Variants in RAB27B observed in about 807,000 individuals in gnomAD.
RAB27B encodes the protein RAB27B, member RAS oncogene family.
A neutral mutation model predicts 24.6 loss-of-function variants in RAB27B; 15 were observed. The observed-to-expected ratio is 0.61, with a 90% CI of 0.41 to 0.94. RAB27B has a LOEUF of 0.94. RAB27B is among the 40% of genes least tolerant of loss of function. RAB27B has a pLI of 0.00. For missense variants in RAB27B, 261 were observed against 266.8 expected (o/e 0.98, Z 0.15); for synonymous variants, 105 against 92.5 (o/e 1.14, Z -0.78).
rs140837056 is a variant in RAB27B, at chr18:54,820,375, G to A, written c.-19-57192G>A. Reference sequence around the variant, plus strand: ...TTGCATTTCTCTGATGGCCAGTGATGATGAGCATTTTTTCATGTGCCTTTT... The same window carrying A: ...TTGCATTTCTCTGATGGCCAGTGATAATGAGCATTTTTTCATGTGCCTTTT... On this transcript the variant is annotated intron_variant, in intron 2 of 4. Coordinates refer to the RAB27B transcript ENST00000586570. 8.0e-3 allele frequency among the ~76,000 whole-genome samples: 1,213 copies of A among 152,332 alleles called. 5 individuals are homozygous for A. The highest frequency in any genetic ancestry group is 0.013 in the Non-Finnish European group (858 of 68,032).
chr18:54,819,488 C>G (rs1300264102), intron 2 of RAB27B, among the ~76,000 whole-genome samples: 1 of 127,868 alleles, frequency 7.8e-6, no homozygotes, highest in South Asian at 2.3e-4. Context: ...GCCAACATCA[C>G]AGCACTGCAC....
At chr18:54,831,966 G>C (rs1910697855) in intron 1 of RAB27B, among the ~76,000 whole-genome samples, 1 of 152,118 alleles carries the variant, frequency 6.6e-6, no homozygotes, top group South Asian at 2.1e-4. Context: ...AGTTGAGACG[G>C]GGTTTCACCA....
rs1182220727 is a variant in RAB27B at position 54,799,626 on chromosome 18, T to C, written c.-19-77941T>C. ...ATATAATAAAATGATTTTTTTTTTT[T>C]TTTTTTTTTTTTTTTTTTTTTTAGA... On this transcript the variant is annotated intron_variant, in intron 2 of 4. Coordinates refer to the RAB27B transcript ENST00000586570. Among the ~76,000 whole-genome samples the C allele has an allele frequency of 1.9e-3, 247 of 131,626 alleles. 2 individuals carry two copies. Among genetic ancestry groups the C allele is most frequent in the African/African-American group, 7.0e-3 (240 of 34,202 alleles). 86.4% of individuals were successfully genotyped at this position (131,626 alleles called of 152,430 possible).
intron 1 of RAB27B, among the ~76,000 whole-genome samples, chr18:54,864,563 T>C (rs1264222848): frequency 6.6e-6 from 1 of 152,130 alleles, no homozygotes; most frequent in Non-Finnish European, 1.5e-5. Flanking sequence ...CTTACTCTTA[T>C]ATTTTCTTCT....
chr18:54,751,070 C>G (rs1335521193), intron 2 of RAB27B, among the ~76,000 whole-genome samples: 1 of 152,136 alleles, frequency 6.6e-6, no homozygotes, highest in African/African-American at 2.4e-5. Flanking sequence ...ATCCTGCCCT[C>G]GAGAGACACT....
chr18:54,786,883 G>A (rs1376814867), intron 2 of RAB27B, among the ~76,000 whole-genome samples: 1 of 152,194 alleles, frequency 6.6e-6, no homozygotes, highest in Admixed American at 6.5e-5. Context: ...ATTGCAAGGT[G>A]TTTGCCTCCT....
intron 2 of RAB27B, among the ~76,000 whole-genome samples, chr18:54,733,108 T>C (rs1347058279): frequency 6.6e-6 from 1 of 152,134 alleles, no homozygotes; most frequent in Non-Finnish European, 1.5e-5. Context: ...TGTGGTGGCA[T>C]GATCATAGCT....
chr18:54,844,408 CT>C (rs148747981), intron 1 of RAB27B, among the ~76,000 whole-genome samples: 107 of 107,876 alleles, frequency 9.9e-4, no homozygotes, highest in African/African-American at 2.7e-3. Context: ...CTTTTCTTTT[CT>C]TTTTTTTTTT....
intron 2 of RAB27B, among the ~76,000 whole-genome samples, chr18:54,733,328 A>G (rs1182613266): frequency 6.6e-6 from 1 of 152,148 alleles, no homozygotes; most frequent in Non-Finnish European, 1.5e-5. Flanking sequence ...GATTACAGGC[A>G]TGAGCCACCA....
At chr18:54,748,613 G>T (rs769875297) in intron 2 of RAB27B, among the ~76,000 whole-genome samples, 5 of 152,096 alleles carry the variant, frequency 3.3e-5, no homozygotes, top group Non-Finnish European at 7.3e-5. Flanking sequence ...ACCCAACCTG[G>T]GTTGAGGCAC....
intron 2 of RAB27B, among the ~76,000 whole-genome samples, chr18:54,806,029 A>G (rs1378313930): frequency 6.6e-6 from 1 of 152,214 alleles, no homozygotes; most frequent in Non-Finnish European, 1.5e-5. Context: ...CTGTTTCATC[A>G]TGACCCATTG....
intron 2 of RAB27B, among the ~76,000 whole-genome samples, chr18:54,737,274 T>G (rs1909925747): frequency 6.6e-6 from 1 of 152,184 alleles, no homozygotes; most frequent in Non-Finnish European, 1.5e-5. Flanking sequence ...TGGATGGGCT[T>G]ATTGACTTTA....
At chr18:54,724,585 G>A (rs969857436) in intron 2 of RAB27B, among the ~76,000 whole-genome samples, 4 of 151,334 alleles carry the variant, frequency 2.6e-5, no homozygotes, top group African/African-American at 9.7e-5. Flanking sequence ...TTAACCAGGT[G>A]TAGTGGTGTG....
chr18:54,763,668 G>A (rs1908268162), intron 2 of RAB27B, among the ~76,000 whole-genome samples: 1 of 152,154 alleles, frequency 6.6e-6, no homozygotes. Context: ...AGAGAAACGG[G>A]TAGGAAGAGT....
In RAB27B at chr18:54,862,424, A is replaced by G. The variant is rs140105479; in HGVS notation, c.-19-15143A>G. Reference sequence around the variant, plus strand: ...AGGAGAAATCACTCTTAACTGCCACAGCATCAAATTATTAATAGATAAATG... The same window carrying G: ...AGGAGAAATCACTCTTAACTGCCACGGCATCAAATTATTAATAGATAAATG... On this transcript the variant is annotated intron_variant, in intron 1 of 5. Coordinates refer to ENST00000262094, the MANE Select transcript of RAB27B (RefSeq NM_004163.4). Among the ~76,000 whole-genome samples the G allele has an allele frequency of 2.1e-3, 323 of 152,324 alleles. 2 individuals are homozygous for G. Among genetic ancestry groups the G allele is most frequent in the African/African-American group, 7.3e-3 (305 of 41,570 alleles).
At chr18:54,801,524 A>C (rs1372419510) in intron 2 of RAB27B, among the ~76,000 whole-genome samples, 2 of 152,122 alleles carry the variant, frequency 1.3e-5, no homozygotes, top group Non-Finnish European at 2.9e-5. Context: ...CCAGGTTCAC[A>C]CTTACTATTG....
At chr18:54,836,936 C>T (rs1342416054) in intron 1 of RAB27B, among the ~76,000 whole-genome samples, 2 of 152,150 alleles carry the variant, frequency 1.3e-5, no homozygotes, top group Non-Finnish European at 2.9e-5. Context: ...AAGACCTGGT[C>T]ACCATGTTAA....
intron 1 of RAB27B, among the ~76,000 whole-genome samples, chr18:54,874,725 G>A (rs943049605): frequency 1.3e-5 from 2 of 152,182 alleles, no homozygotes; most frequent in African/African-American, 4.8e-5. Flanking sequence ...CTTTTGCCTA[G>A]GGAAGAATTT....
At chr18:54,837,588 C>A (rs896905103) in intron 1 of RAB27B, among the ~76,000 whole-genome samples, 1 of 151,914 alleles carries the variant, frequency 6.6e-6, no homozygotes, top group African/African-American at 2.4e-5. Flanking sequence ...TGCAGGCACA[C>A]GGGTGATCTC....
Sources: gnomAD v4.1 joint callset for allele counts (sites outside exome capture counted in the v4.1 genomes callset) on GRCh38, gnomAD v4.1.1 for gene constraint, MANE v1.5 for transcripts, NCBI Gene and HGNC (gene_info 2026-07-23, HGNC 2026-07-21) for gene names.